Variants in DOCK5 observed in about 807,000 individuals in gnomAD.
The protein encoded by DOCK5 is dedicator of cytokinesis protein 5.
A neutral mutation model predicts 251.8 loss-of-function variants in DOCK5; 142 were observed. That is an observed-to-expected ratio of 0.56 (90% CI 0.49 to 0.65). The LOEUF (loss-of-function observed/expected upper bound fraction) is 0.65. DOCK5 is among the 30% of genes least tolerant of loss of function. The pLI is 0.00. For synonymous variants in DOCK5, 842 were observed against 835.5 expected, an observed-to-expected ratio of 1.01 and a Z score of -0.13; for missense variants, 2,111 against 2,312.3, an observed-to-expected ratio of 0.91 and a Z score of 1.79.
At chr8:25,286,694 C>T (rs756725796) in intron 5 of DOCK5, among the ~76,000 whole-genome samples, 9 of 151,428 alleles carry the variant, frequency 5.9e-5, no homozygotes, top group Non-Finnish European at 1.3e-4. Context: ...GATAGGGTCT[C>T]GTTCTGCCAC....
intron 15 of DOCK5, 30 bp downstream of exon 15, chr8:25,319,706 A>C (rs968694518): frequency 1.3e-6 from 2 of 1,486,556 alleles, no homozygotes; most frequent in African/African-American, 2.8e-5. Flanking sequence ...AACCCCTGTT[A>C]TCTGTTAAAC....
intron 48 of DOCK5, among the ~76,000 whole-genome samples, chr8:25,406,045 G>T (rs1465848036): frequency 6.6e-6 from 1 of 152,012 alleles, no homozygotes; most frequent in Admixed American, 6.6e-5. Context: ...CGCAAGCTCC[G>T]CCTCCCGGGT....
intron 11 of DOCK5, among the ~76,000 whole-genome samples, chr8:25,308,283 C>T (rs1804999532): frequency 1.3e-5 from 2 of 152,088 alleles, no homozygotes; most frequent in South Asian, 4.1e-4. Context: ...CTACCAGACA[C>T]CAGGCATATA....
At chr8:25,288,733 A>G (rs1391873225) in intron 5 of DOCK5, among the ~76,000 whole-genome samples, 1 of 152,216 alleles carries the variant, frequency 6.6e-6, no homozygotes, top group Non-Finnish European at 1.5e-5. Context: ...TGACAGGCTT[A>G]ATTTCTCACT....
At chr8:25,257,478 GTTTATACTT>G (rs1563327372) in intron 2 of DOCK5, among the ~76,000 whole-genome samples, 1 of 152,136 alleles carries the variant, frequency 6.6e-6, no homozygotes, top group Non-Finnish European at 1.5e-5. Context: ...AGCAAATGAC[GTTTATACTT>G]TTGGACACGA....
chr8:25,282,732 C>T (rs35632565), intron 5 of DOCK5, among the ~76,000 whole-genome samples: 6 of 151,466 alleles, frequency 4.0e-5, no homozygotes, highest in African/African-American at 1.5e-4. Flanking sequence ...TACCTGTAAT[C>T]TAGGCTACTC....
Position 25,267,017 on chromosome 8 carries a change from G to A in DOCK5, c.128-1828G>A, listed in dbSNP as rs183657253. Among the ~76,000 whole-genome samples, 535 of 152,284 alleles carry A rather than the reference G, an allele frequency of 3.5e-3. 4 individuals are homozygous for A. The highest frequency in any genetic ancestry group is 0.012 in the African/African-American group (508 of 41,566). On this transcript the variant is annotated intron_variant, in intron 2 of 51. Transcript: ENST00000276440. ...AGAACGATGAAAACTGTTTGGAAAA[G>A]ATGAATATCTTGTTTCTCAGCCTGC...
At chr8:25,367,293 T>A (rs943242023) in intron 31 of DOCK5, among the ~76,000 whole-genome samples, 5 of 152,132 alleles carry the variant, frequency 3.3e-5, no homozygotes, top group Non-Finnish European at 5.9e-5. Context: ...GCATAGTACC[T>A]CCTCATTCAT....
intron 40 of DOCK5, among the ~76,000 whole-genome samples, chr8:25,384,750 G>A (rs1012056692): frequency 8.6e-5 from 13 of 151,798 alleles, no homozygotes; most frequent in African/African-American, 2.7e-4. Context: ...ATGAGCCACC[G>A]TGCCCAGCCT....
intron 42 of DOCK5, 117 bp downstream of exon 42, chr8:25,390,404 T>C (rs995544396): frequency 3.4e-6 from 3 of 888,342 alleles, no homozygotes; most frequent in Non-Finnish European, 5.0e-6. Flanking sequence ...GCCAGGAATT[T>C]GAGACCAGCC....
At chr8:25,287,086 C>T (rs960873138) in intron 5 of DOCK5, among the ~76,000 whole-genome samples, 6 of 152,202 alleles carry the variant, frequency 3.9e-5, no homozygotes, top group African/African-American at 1.2e-4. Context: ...CTATAATACT[C>T]CTGCTTTCCT....
chr8:25,354,457 A>G (rs1285760915), intron 27 of DOCK5, among the ~76,000 whole-genome samples: 1 of 152,172 alleles, frequency 6.6e-6, no homozygotes, highest in East Asian at 1.9e-4. Flanking sequence ...CCTTGTTTAA[A>G]CTCACTCAAG....
intron 6 of DOCK5, among the ~76,000 whole-genome samples, chr8:25,293,539 T>C (rs1804545751): frequency 2.0e-5 from 3 of 152,202 alleles, no homozygotes; most frequent in Admixed American, 2.0e-4. Flanking sequence ...CCCAGTCACA[T>C]AGATAATAAA....
At chr8:25,399,807 G>C (rs534308130) in intron 45 of DOCK5, 104 bp from the exon 46 acceptor site, 87 of 797,942 alleles carry the variant, frequency 1.1e-4, no homozygotes, top group Middle Eastern at 4.6e-4. Flanking sequence ...TTTTTAGTTA[G>C]ACACATCTGG....
chr8:25,249,585 C>T (rs56923011), intron 2 of DOCK5, among the ~76,000 whole-genome samples: 1,668 of 152,196 alleles, frequency 0.011, 33 homozygotes, highest in African/African-American at 0.038. Flanking sequence ...CTTCATTTGG[C>T]ATCAGGACTT....
chr8:25,374,760 A>C, intron 37 of DOCK5, 106 bp downstream of exon 37: 1 of 1,602,180 alleles, frequency 6.2e-7, no homozygotes, highest in Non-Finnish European at 8.5e-7. Context: ...TATTCCAGGA[A>C]TATCCTTTTA....
chr8:25,371,680 A>G (rs951740908), intron 34 of DOCK5, among the ~76,000 whole-genome samples: 2 of 152,204 alleles, frequency 1.3e-5, no homozygotes, highest in Non-Finnish European at 2.9e-5. Flanking sequence ...AGTTATGCAC[A>G]TATACACACA....
chr8:25,373,171 TGTATTTTTA>T (rs1800905140), intron 35 of DOCK5, among the ~76,000 whole-genome samples: 1 of 152,066 alleles, frequency 6.6e-6, no homozygotes, highest in South Asian at 2.1e-4. Context: ...AGCTAATTTT[TGTATTTTTA>T]GTAGAAACAG....
intron 40 of DOCK5, among the ~76,000 whole-genome samples, chr8:25,387,418 C>T (rs1214835287): frequency 2.6e-5 from 4 of 152,102 alleles, no homozygotes; most frequent in Non-Finnish European, 5.9e-5. Flanking sequence ...TTTGAATCAG[C>T]GTCGACTCCC....
Sources: gnomAD v4.1 joint callset for allele counts (sites outside exome capture counted in the v4.1 genomes callset) on GRCh38, gnomAD v4.1.1 for gene constraint, MANE v1.5 for transcripts, NCBI Gene and HGNC (gene_info 2026-07-23, HGNC 2026-07-21) for gene names.